The following ZNF804A variants were observed in gnomAD, a reference collection of about 807,000 sequenced individuals.
ZNF804A encodes zinc finger protein 804A.
In ZNF804A, 2 loss-of-function variants were observed where a neutral mutation model predicts 16.5. That is an observed-to-expected ratio of 0.12 (90% CI 0.05 to 0.38). ZNF804A has a LOEUF of 0.38. Ranked by LOEUF, ZNF804A falls within the 10% of genes least tolerant of loss-of-function variation. The pLI, the probability that ZNF804A is intolerant of heterozygous loss-of-function variation, is 0.99. For missense variants in ZNF804A, 1,473 were observed against 1,390.7 expected (o/e 1.06, Z -0.94); for synonymous variants, 534 against 489.6 (o/e 1.09, Z -1.20).
chr2:184,697,645 C>T (rs1325882325), intron 1 of ZNF804A, among the ~76,000 whole-genome samples: 1 of 152,070 alleles, frequency 6.6e-6, no homozygotes, highest in East Asian at 1.9e-4. Context: ...AAGAGTAATA[C>T]TTATCAAAAT....
chr2:184,649,138 C>T (rs551075416), intron 1 of ZNF804A, among the ~76,000 whole-genome samples: 6 of 151,816 alleles, frequency 4.0e-5, no homozygotes, highest in African/African-American at 1.2e-4. Flanking sequence ...CTCTCAAAAC[C>T]GTGAAATTAC....
At chr2:184,907,324 A>G (rs1013778495) in intron 2 of ZNF804A, among the ~76,000 whole-genome samples, 2 of 152,130 alleles carry the variant, frequency 1.3e-5, no homozygotes, top group Non-Finnish European at 2.9e-5. Flanking sequence ...ATTGTTTCTG[A>G]CTTGGAAATT....
chr2:184,862,406 G>A (rs2105809318), intron 1 of ZNF804A, among the ~76,000 whole-genome samples: 1 of 152,246 alleles, frequency 6.6e-6, no homozygotes, highest in South Asian at 2.1e-4. Flanking sequence ...CTCTGATAAT[G>A]TTTTCTAGAA....
At chr2:184,713,122 A>C (rs1348151166) in intron 1 of ZNF804A, among the ~76,000 whole-genome samples, 1 of 151,784 alleles carries the variant, frequency 6.6e-6, no homozygotes, top group Non-Finnish European at 1.5e-5. Flanking sequence ...TATTTGAAGA[A>C]ATAGCCACCT....
chr2:184,700,013 A>G (rs867150881), intron 1 of ZNF804A, among the ~76,000 whole-genome samples: 4 of 152,190 alleles, frequency 2.6e-5, no homozygotes, highest in Middle Eastern at 3.4e-3. Context: ...TATGTGGATC[A>G]TGTGCTTATT....
At chr2:184,738,423 C>T (rs1174243443) in intron 1 of ZNF804A, among the ~76,000 whole-genome samples, 1 of 152,018 alleles carries the variant, frequency 6.6e-6, no homozygotes, top group African/African-American at 2.4e-5. Flanking sequence ...TTTGATGATC[C>T]TTTTGGATAC....
chr2:184,604,664 T>G (rs1361367113), intron 1 of ZNF804A, among the ~76,000 whole-genome samples: 1 of 152,174 alleles, frequency 6.6e-6, no homozygotes, highest in Non-Finnish European at 1.5e-5. Flanking sequence ...TACGCTACAT[T>G]CTGTTGCTAT....
At chr2:184,664,846 G>A (rs995752373) in intron 1 of ZNF804A, among the ~76,000 whole-genome samples, 1 of 151,930 alleles carries the variant, frequency 6.6e-6, no homozygotes, top group South Asian at 2.1e-4. Flanking sequence ...ATATTTTAAA[G>A]ACTGTAATTA....
intron 1 of ZNF804A, among the ~76,000 whole-genome samples, chr2:184,678,042 A>T (rs997012785): frequency 6.6e-6 from 1 of 152,046 alleles, no homozygotes; most frequent in African/African-American, 2.4e-5. Context: ...TTTATTTTTT[A>T]AAAGGTCAGA....
chr2:184,615,156 A>C (rs1248544029), intron 1 of ZNF804A, among the ~76,000 whole-genome samples: 1 of 152,228 alleles, frequency 6.6e-6, no homozygotes, highest in African/African-American at 2.4e-5. Context: ...TCAATGATAG[A>C]CTGGATAAAG....
chr2:184,628,963 G>A (rs1691556646), intron 1 of ZNF804A, among the ~76,000 whole-genome samples: 2 of 152,074 alleles, frequency 1.3e-5, no homozygotes, highest in African/African-American at 4.8e-5. Context: ...TTGGAGTCTT[G>A]TTAGGATTAT....
intron 1 of ZNF804A, among the ~76,000 whole-genome samples, chr2:184,782,153 G>T (rs185092518): frequency 1.3e-5 from 2 of 151,784 alleles, no homozygotes; most frequent in African/African-American, 2.4e-5. Context: ...AGTACTTGGG[G>T]TTAGGACTTC....
chr2:184,815,514 T>G (rs1279544122), intron 1 of ZNF804A, among the ~76,000 whole-genome samples: 1 of 151,808 alleles, frequency 6.6e-6, no homozygotes, highest in African/African-American at 2.4e-5. Flanking sequence ...TAAATCAGAA[T>G]AATATATAGC....
chr2:184,602,667 A>G (rs750692794), intron 1 of ZNF804A, among the ~76,000 whole-genome samples: 23 of 152,010 alleles, frequency 1.5e-4, no homozygotes, highest in Admixed American at 3.9e-4. Flanking sequence ...GTCTTGGGAA[A>G]CTTGGAAATC....
rs546312645 is a variant in ZNF804A, at chr2:184,691,101, C to CACA, written c.111+92035_111+92037dup. Among the ~76,000 whole-genome samples, 338 of 152,018 alleles carry CACA rather than the reference C, an allele frequency of 2.2e-3. 1 individual carries two copies. Among genetic ancestry groups the CACA allele is most frequent in the Middle Eastern group, 6.8e-3 (2 of 294 alleles). On this transcript the variant is annotated intron_variant, in intron 1 of 3. Transcript: ENST00000302277. The stretch of plus-strand genomic sequence containing the variant: ...ACTCCATCTGTATGGTACTTTTATG[C>CACA]ACAACACTTTTGTGTTGGGGCTTTT...
At chr2:184,847,589 TACA>T (rs1695540011) in intron 1 of ZNF804A, among the ~76,000 whole-genome samples, 1 of 152,080 alleles carries the variant, frequency 6.6e-6, no homozygotes, top group Non-Finnish European at 1.5e-5. Context: ...GATGTATTTC[TACA>T]ACAACACTTC....
chr2:184,858,862 C>T (rs1695746734), intron 1 of ZNF804A, among the ~76,000 whole-genome samples: 1 of 152,118 alleles, frequency 6.6e-6, no homozygotes, highest in Non-Finnish European at 1.5e-5. Context: ...TAAGTTAACC[C>T]CTCAGCTTTT....
chr2:184,614,721 G>A (rs534708067), intron 1 of ZNF804A, among the ~76,000 whole-genome samples: 2 of 152,144 alleles, frequency 1.3e-5, no homozygotes, highest in South Asian at 2.1e-4. Flanking sequence ...TCAAAAAGTC[G>A]GCAGAGGATG....
chr2:184,874,019 C>A (rs751236374), intron 2 of ZNF804A, among the ~76,000 whole-genome samples: 2 of 151,972 alleles, frequency 1.3e-5, no homozygotes, highest in Non-Finnish European at 1.5e-5. Context: ...TCACAAAATG[C>A]AAAATTATTC....
Sources: gnomAD v4.1 joint callset for allele counts (sites outside exome capture counted in the v4.1 genomes callset) on GRCh38, gnomAD v4.1.1 for gene constraint, MANE v1.5 for transcripts, NCBI Gene and HGNC (gene_info 2026-07-23, HGNC 2026-07-21) for gene names.